Variants in DLG1 observed in about 807,000 individuals in gnomAD.
The protein encoded by DLG1 is discs large MAGUK scaffold protein 1, also known as disks large homolog 1.
A neutral mutation model predicts 123.4 loss-of-function variants in DLG1; 42 were observed. That is an observed-to-expected ratio of 0.34 (90% CI 0.27 to 0.44). The LOEUF is 0.44. Among genes scored for constraint, DLG1 ranks in the 20% least tolerant of loss-of-function variants. The pLI, the probability that DLG1 is intolerant of heterozygous loss-of-function variation, is 1.00. For missense variants in DLG1, 942 were observed against 1,082.6 expected (o/e 0.87, Z 1.82); for synonymous variants, 317 against 356.2 (o/e 0.89, Z 1.24).
intron 4 of DLG1, among the ~76,000 whole-genome samples, chr3:197,256,707 T>C (rs1236405251): frequency 6.6e-6 from 1 of 152,226 alleles, no homozygotes; most frequent in Non-Finnish European, 1.5e-5. Context: ...ACCTATAGTT[T>C]GGTTATAAGT....
chr3:197,146,985 G>A (rs934272478), intron 6 of DLG1, among the ~76,000 whole-genome samples: 2 of 152,026 alleles, frequency 1.3e-5, no homozygotes, highest in Non-Finnish European at 2.9e-5. Context: ...GTGGGCTAAG[G>A]ACATGAATAG....
rs1200401323 is a variant in DLG1 at position 197,298,534 on chromosome 3, A to C, written c.-32+2T>G. 5.0e-6 allele frequency: 2 copies of C among 398,462 alleles called. No individual in the cohort carries two copies. The highest frequency in any genetic ancestry group is 4.4e-6 in the Non-Finnish European group (1 of 226,078). 24.7% of individuals were successfully genotyped at this position (398,462 alleles called of 1,614,324 possible). On this transcript the variant is annotated splice_donor_variant, in intron 1 of 24. Coordinates refer to ENST00000667157, the MANE Select transcript of DLG1 (RefSeq NM_001366207.1). LOFTEE classifies it low-confidence loss of function (5UTR_SPLICE). Reference sequence around the variant, plus strand: ...CCTACACCAGATCCAAGGCGCACATACCGAGACACCCCTCAACCTCACTCA... The same window carrying C: ...CCTACACCAGATCCAAGGCGCACATCCCGAGACACCCCTCAACCTCACTCA...
chr3:197,270,508 G>A, intron 4 of DLG1, among the ~76,000 whole-genome samples: 1 of 152,012 alleles, frequency 6.6e-6, no homozygotes, highest in East Asian at 1.9e-4. Flanking sequence ...AGTTGATGAA[G>A]AAAAAGAGTG....
intron 5 of DLG1, among the ~76,000 whole-genome samples, chr3:197,182,408 A>G (rs544498289): frequency 6.6e-6 from 1 of 152,172 alleles, no homozygotes; most frequent in Non-Finnish European, 1.5e-5. Context: ...TTTCTCCCAA[A>G]TATTTGAGAA....
chr3:197,169,793 T>G (rs916846778), intron 5 of DLG1, among the ~76,000 whole-genome samples: 1 of 152,204 alleles, frequency 6.6e-6, no homozygotes, highest in African/African-American at 2.4e-5. Context: ...GGGGTACATG[T>G]GCAAGCTTGT....
rs1286290031 is a variant in DLG1, at chr3:197,298,579, C to G, written c.-75G>C. Reference sequence around the variant, plus strand: ...CACTCAGCAGTGCCGTTTCCAACTCCGCGGCAGAGACAGCGCCTGGCGACC... The same window carrying G: ...CACTCAGCAGTGCCGTTTCCAACTCGGCGGCAGAGACAGCGCCTGGCGACC... On this transcript the variant is annotated 5_prime_UTR_variant, in exon 1 of 25. Transcript: ENST00000667157. The G allele has an allele frequency of 5.1e-4, 205 of 398,556 alleles. 2 individuals are homozygous for G. The highest frequency in any genetic ancestry group is 8.4e-5 in the Non-Finnish European group (19 of 226,104). The allele number at this position is 398,556 out of a possible 1,614,324, so 24.7% of individuals were successfully genotyped here.
intron 4 of DLG1, among the ~76,000 whole-genome samples, chr3:197,240,676 A>AT (rs1356788726): frequency 2.0e-5 from 3 of 152,170 alleles, no homozygotes; most frequent in Non-Finnish European, 2.9e-5. Flanking sequence ...TTAAAAAGAG[A>AT]TTAAAGTAAT....
intron 12 of DLG1, among the ~76,000 whole-genome samples, 186 bp from the exon 13 acceptor site, chr3:197,116,269 TA>T (rs1773218788): frequency 6.6e-6 from 1 of 152,006 alleles, no homozygotes; most frequent in Non-Finnish European, 1.5e-5. Flanking sequence ...GGAAAAAATC[TA>T]ATTTTATATA....
chr3:197,198,222 G>A (rs1362216506), intron 4 of DLG1, among the ~76,000 whole-genome samples: 1 of 152,186 alleles, frequency 6.6e-6, no homozygotes, highest in Non-Finnish European at 1.5e-5. Flanking sequence ...AGGTGCGGTG[G>A]CTCACGCCTG....
intron 8 of DLG1, among the ~76,000 whole-genome samples, chr3:197,138,627 A>G (rs1786306963): frequency 6.6e-6 from 1 of 152,124 alleles, no homozygotes; most frequent in Non-Finnish European, 1.5e-5. Context: ...AATAGATTAT[A>G]TAAAAATGTT....
chr3:197,200,677 CA>C (rs1399531624), intron 4 of DLG1, among the ~76,000 whole-genome samples: 1 of 152,060 alleles, frequency 6.6e-6, no homozygotes, highest in East Asian at 1.9e-4. Flanking sequence ...TCAACATACA[CA>C]AATCAATAAA....
chr3:197,150,778 A>G (rs974930509), intron 5 of DLG1, among the ~76,000 whole-genome samples: 3 of 152,102 alleles, frequency 2.0e-5, no homozygotes, highest in Non-Finnish European at 4.4e-5. Context: ...TCAAACTTCA[A>G]ATAACACATT....
chr3:197,154,190 T>C (rs1056292709), intron 5 of DLG1, among the ~76,000 whole-genome samples: 1 of 151,546 alleles, frequency 6.6e-6, no homozygotes, highest in African/African-American at 2.4e-5. Context: ...TAATCCCAGC[T>C]ACTTGGAAGG....
chr3:197,242,189 A>C (rs1487259565), intron 4 of DLG1, among the ~76,000 whole-genome samples: 1 of 152,172 alleles, frequency 6.6e-6, no homozygotes, highest in Non-Finnish European at 1.5e-5. Flanking sequence ...GACTGTAAAA[A>C]AAAGACAAAG....
chr3:197,109,673 A>C (rs1768695541), intron 13 of DLG1, among the ~76,000 whole-genome samples: 1 of 152,150 alleles, frequency 6.6e-6, no homozygotes, highest in Non-Finnish European at 1.5e-5. Flanking sequence ...TATTTCCTAT[A>C]GGGCAGGTTT....
intron 4 of DLG1, among the ~76,000 whole-genome samples, chr3:197,251,249 G>C (rs1182984642): frequency 1.3e-5 from 2 of 151,632 alleles, no homozygotes; most frequent in African/African-American, 2.4e-5. Flanking sequence ...ACAGACTCTA[G>C]GCAATGCCTA....
intron 14 of DLG1, among the ~76,000 whole-genome samples, chr3:197,103,165 C>T (rs1459533202): frequency 6.6e-6 from 1 of 152,172 alleles, no homozygotes; most frequent in East Asian, 1.9e-4. Flanking sequence ...TCTGCAAGAC[C>T]TCAGCTGCTT....
intron 2 of DLG1, 91 bp from the exon 3 acceptor site, chr3:197,296,568 T>G (rs1777443594): frequency 1.7e-6 from 2 of 1,202,760 alleles, no homozygotes; most frequent in South Asian, 2.6e-5. Context: ...GACATCTAAA[T>G]AGTTCCGCAA....
intron 5 of DLG1, among the ~76,000 whole-genome samples, chr3:197,151,141 C>T (rs557344088): frequency 1.4e-4 from 22 of 152,180 alleles, no homozygotes; most frequent in African/African-American, 5.3e-4. Flanking sequence ...ATTACTCAAA[C>T]TGGTATTTTA....
Sources: gnomAD v4.1 joint callset for allele counts (sites outside exome capture counted in the v4.1 genomes callset) on GRCh38, gnomAD v4.1.1 for gene constraint, MANE v1.5 for transcripts, NCBI Gene and HGNC (gene_info 2026-07-23, HGNC 2026-07-21) for gene names.